The following BRAF variants were observed in gnomAD, a reference collection of about 807,000 sequenced individuals.
BRAF encodes the protein serine/threonine-protein kinase B-raf.
In BRAF, 16 loss-of-function variants were observed where a neutral mutation model predicts 104.6. The observed-to-expected ratio is 0.15, with a 90% confidence interval of 0.10 to 0.23. BRAF has a LOEUF of 0.23. BRAF is among the 10% of genes least tolerant of loss of function. BRAF has a pLI of 1.00. For synonymous variants in BRAF, 310 were observed against 341.6 expected (o/e 0.91, Z 1.02); for missense variants, 541 against 937.3 (o/e 0.58, Z 5.52).
intron 1 of BRAF, among the ~76,000 whole-genome samples, chr7:140,899,143 T>C (rs1815298579): frequency 1.3e-5 from 2 of 152,198 alleles, no homozygotes; most frequent in African/African-American, 4.8e-5. Context: ...CATTTCTCTA[T>C]GTCTAAAGCA....
At chr7:140,799,846 G>C (rs908050338) in intron 7 of BRAF, 4 of 246,860 alleles carry the variant, frequency 1.6e-5, no homozygotes, top group Non-Finnish European at 3.2e-5. Flanking sequence ...CTTCATAAGT[G>C]GAAGTCATAT....
intron 7 of BRAF, chr7:140,798,952 T>C (rs1322419863): frequency 1.7e-5 from 3 of 172,892 alleles, no homozygotes; most frequent in Non-Finnish European, 3.7e-5. Context: ...TTCAAGTGAT[T>C]CTCCTGCCTC....
chr7:140,859,090 G>C (rs974823792), intron 1 of BRAF, among the ~76,000 whole-genome samples: 47 of 152,248 alleles, frequency 3.1e-4, no homozygotes, highest in African/African-American at 1.1e-3. Context: ...ACATTATAAA[G>C]AATCTAGAAG....
intron 19 of BRAF, chr7:140,732,045 C>T (rs1796009873): frequency 6.8e-6 from 1 of 147,324 alleles, no homozygotes; most frequent in Admixed American, 6.7e-5. Context: ...GTGGCGGGCG[C>T]CTGTAGTCCC....
rs1801294926 is a variant in BRAF, at chr7:140,785,808, G to A, written c.1178C>T (p.Ala393Val). 1 of 398,900 alleles carries A rather than the reference G, an allele frequency of 2.5e-6. No individual in the cohort carries two copies. Among genetic ancestry groups the A allele is most frequent in the Admixed American group, 4.4e-5 (1 of 22,718 alleles). The allele number at this position is 398,900 out of a possible 1,614,324, so 24.7% of individuals were successfully genotyped here. A position where few individuals can be genotyped will look rare whatever the true frequency, so the allele number is the denominator to read the frequency against. The change falls in exon 10 of 20, where the codon GCC (alanine) becomes GTC (valine). Residue 393 changes from alanine (A) to valine (V), a missense_variant and splice_region_variant. By Grantham distance (64) the Ala-to-Val change is moderately conservative. Around this residue, in one of 10 missense-constraint regions of BRAF, gnomAD observed 109 missense variants for 143.9 expected, o/e 0.76. Transcript: ENST00000644969. ...IRDQGFRGDG[A>V]PLNQLMRCLR... ...ACAGCGCATCAGCTGGTTCAAAGGG[G>A]CTGTTAGAAGAGAAAGAGAGGGGCA...
At chr7:140,885,691 A>G (rs1411015090) in intron 1 of BRAF, among the ~76,000 whole-genome samples, 1 of 152,234 alleles carries the variant, frequency 6.6e-6, no homozygotes, top group African/African-American at 2.4e-5. Context: ...CCTGGCACAT[A>G]ATCAATTACA....
At chr7:140,761,592 G>C (rs1798742286) in intron 14 of BRAF, among the ~76,000 whole-genome samples, 1 of 152,040 alleles carries the variant, frequency 6.6e-6, no homozygotes, top group African/African-American at 2.4e-5. Flanking sequence ...ACACAGACTG[G>C]CAAACTGGAT....
intron 1 of BRAF, among the ~76,000 whole-genome samples, chr7:140,906,731 T>C (rs1816368984): frequency 6.6e-6 from 1 of 152,238 alleles, no homozygotes. Flanking sequence ...TACAGAATTC[T>C]AGATTGGCAG....
intron 1 of BRAF, among the ~76,000 whole-genome samples, chr7:140,867,315 T>A (rs1811075999): frequency 6.6e-6 from 1 of 152,216 alleles, no homozygotes; most frequent in Non-Finnish European, 1.5e-5. Flanking sequence ...GGTATTCTAA[T>A]CAAAAGACTG....
At chr7:140,805,610 T>C (rs954751315) in intron 5 of BRAF, among the ~76,000 whole-genome samples, 1 of 152,118 alleles carries the variant, frequency 6.6e-6, no homozygotes, top group African/African-American at 2.4e-5. Flanking sequence ...AGAGGCACAG[T>C]CAAGGTAATT....
At chr7:140,920,130 A>G (rs1818060682) in intron 1 of BRAF, among the ~76,000 whole-genome samples, 1 of 152,186 alleles carries the variant, frequency 6.6e-6, no homozygotes, top group Non-Finnish European at 1.5e-5. Context: ...GCTACTGACA[A>G]AAAAAGGCTT....
intron 14 of BRAF, among the ~76,000 whole-genome samples, chr7:140,762,469 A>C (rs1286620835): frequency 1.3e-5 from 2 of 152,198 alleles, no homozygotes; most frequent in African/African-American, 4.8e-5. Flanking sequence ...CTAACATCAC[A>C]ATTAAAAGAA....
At chr7:140,826,008 T>C (rs117157371) in intron 3 of BRAF, among the ~76,000 whole-genome samples, 11 of 152,306 alleles carry the variant, frequency 7.2e-5, no homozygotes, top group East Asian at 1.9e-4. Context: ...TTGGAACTCT[T>C]TGAGGCATAT....
At position 140,720,575 on chromosome 7, in the gene BRAF, T is replaced by C. The variant is rs1160583127; in HGVS notation, c.*5919A>G. 3 of 1,065,544 alleles carry C rather than the reference T, an allele frequency of 2.8e-6. No homozygotes were observed. In the African/African-American group the frequency reaches 4.9e-5, roughly 17 times the overall value. 66.0% of individuals were successfully genotyped at this position (1,065,544 alleles called of 1,614,324 possible). A position where few individuals can be genotyped will look rare whatever the true frequency, so the allele number is the denominator to read the frequency against. ...CGTTCACAGCTTAGAATAAAAAGCA[T>C]ACTTATTGCACTCTTACATTTGATT... On this transcript the variant is annotated 3_prime_UTR_variant, in exon 20 of 20. Transcript: ENST00000644969.
At chr7:140,923,362 AAAGT>A (rs1401978855) in intron 1 of BRAF, among the ~76,000 whole-genome samples, 2 of 152,230 alleles carry the variant, frequency 1.3e-5, no homozygotes, top group East Asian at 1.9e-4. Flanking sequence ...AAAGCATAAT[AAAGT>A]ATTATTTTCT....
chr7:140,799,783 A>T (rs1802894205), intron 7 of BRAF: 2 of 237,404 alleles, frequency 8.4e-6, no homozygotes, highest in African/African-American at 4.4e-5. Flanking sequence ...ATTGTAGATT[A>T]TAATTATATA....
chr7:140,749,192 C>G (rs976951207), intron 17 of BRAF, 95 bp downstream of exon 16: 4 of 1,538,828 alleles, frequency 2.6e-6, no homozygotes, highest in Non-Finnish European at 3.6e-6. Context: ...AGAAATCTAT[C>G]CTTCACGCTT....
chr7:140,895,739 T>C (rs1298958968), intron 1 of BRAF, among the ~76,000 whole-genome samples: 1 of 152,240 alleles, frequency 6.6e-6, no homozygotes, highest in East Asian at 1.9e-4. Flanking sequence ...TCCAATCATG[T>C]TGCTGCAAAT....
At position 140,723,068 on chromosome 7, in the gene BRAF, A is replaced by T. The variant is rs2130823186; in HGVS notation, c.*3426T>A. On this transcript the variant is annotated 3_prime_UTR_variant, in exon 20 of 20. Coordinates refer to ENST00000644969, the MANE Select transcript of BRAF (RefSeq NM_001374258.1). ...AAAATAAATAACTATTCATTACCTC[A>T]TTCTGAAGAGGTAGTTTTTTGTAGA... 9.5e-7 allele frequency: 1 copy of T among 1,051,318 alleles called. No homozygotes were observed. Among genetic ancestry groups the T allele is most frequent in the South Asian group, 4.6e-5 (1 of 21,844 alleles). The allele number at this position is 1,051,318 out of a possible 1,614,324, so 65.1% of individuals were successfully genotyped here.
Sources: allele counts gnomAD v4.1 joint callset (sites outside exome capture counted in the v4.1 genomes callset), GRCh38; gene constraint gnomAD v4.1.1; regional missense constraint gnomAD v4.1.1; transcripts MANE v1.5; gene names NCBI Gene and HGNC (gene_info 2026-07-23, HGNC 2026-07-21).